Variants in MCPH1 observed in about 807,000 individuals in gnomAD.
MCPH1 encodes microcephalin.
A neutral mutation model predicts 84.5 loss-of-function variants in MCPH1; 104 were observed. The observed-to-expected ratio is 1.23, with a 90% CI of 1.05 to 1.45. MCPH1 has a LOEUF of 1.45. Among genes scored for constraint, MCPH1 ranks in the 40% most tolerant of loss-of-function variants. The probability of loss-of-function intolerance (pLI) is 0.00; values close to 1 mark genes in which losing one functional copy is unlikely to be tolerated. For synonymous variants in MCPH1, 514 were observed against 366.8 expected, an observed-to-expected ratio of 1.40 and a Z score of -4.58; for missense variants, 1,498 against 1,005.7, an observed-to-expected ratio of 1.49 and a Z score of -6.62.
chr8:6,532,219 C>T (rs146508943), intron 12 of MCPH1: 86 of 1,211,528 alleles, frequency 7.1e-5, no homozygotes, highest in South Asian at 4.0e-4. Flanking sequence ...TCCTTTTCTC[C>T]TGTGGTGGTG....
At chr8:6,562,139 T>A (rs1240952849) in intron 12 of MCPH1, among the ~76,000 whole-genome samples, 1 of 152,220 alleles carries the variant, frequency 6.6e-6, no homozygotes, top group African/African-American at 2.4e-5. Context: ...AGTCACAACC[T>A]ATTTTAGTAA....
At chr8:6,481,832 GA>G (rs1809282117) in intron 11 of MCPH1, among the ~76,000 whole-genome samples, 1 of 152,178 alleles carries the variant, frequency 6.6e-6, no homozygotes, top group South Asian at 2.1e-4. Flanking sequence ...TGTTTATTTG[GA>G]TGAAAGACAG....
chr8:6,413,890 G>A (rs941909181), intron 2 of MCPH1, among the ~76,000 whole-genome samples: 1 of 152,008 alleles, frequency 6.6e-6, no homozygotes, highest in East Asian at 1.9e-4. Flanking sequence ...GAGTTGCTGA[G>A]ACTACAGGCA....
At chr8:6,524,914 A>C (rs570344195) in intron 12 of MCPH1, among the ~76,000 whole-genome samples, 4 of 152,292 alleles carry the variant, frequency 2.6e-5, no homozygotes, top group African/African-American at 9.6e-5. Flanking sequence ...TGGGAATCCC[A>C]CCTCTGCACA....
At chr8:6,431,444 G>C in intron 3 of MCPH1, 55 bp from the exon 4 acceptor site, 1 of 1,318,050 alleles carries the variant, frequency 7.6e-7, no homozygotes, top group Non-Finnish European at 1.1e-6. Context: ...TTAGTGCTGT[G>C]TCAATGTATA....
At chr8:6,607,956 A>G (rs893952155) in intron 12 of MCPH1, among the ~76,000 whole-genome samples, 1 of 152,208 alleles carries the variant, frequency 6.6e-6, no homozygotes, top group Non-Finnish European at 1.5e-5. Context: ...ATTCACGCCC[A>G]AGAAGTGGGT....
At position 6,477,016 on chromosome 8, in the gene MCPH1, G is replaced by C. The variant is rs148347157; in HGVS notation, c.1936-578G>C. On this transcript the variant is annotated intron_variant, in intron 9 of 13. Transcript: ENST00000344683. ...TAGCATTTAAATTTTTTGCAAGTCA[G>C]CGTGCATTTCTTAGATAAGCAAAAA... Among the ~76,000 whole-genome samples, 59 of 151,792 alleles carry C rather than the reference G, an allele frequency of 3.9e-4. 1 individual carries two copies. Among genetic ancestry groups the C allele is most frequent in the African/African-American group, 1.3e-3 (54 of 41,384 alleles).
chr8:6,464,592 C>A (rs1447564325), intron 9 of MCPH1, among the ~76,000 whole-genome samples: 1 of 152,160 alleles, frequency 6.6e-6, no homozygotes, highest in Non-Finnish European at 1.5e-5. Context: ...ATCTCCTGTG[C>A]CTCAGTGGTC....
chr8:6,565,084 G>C (rs1413442585), intron 12 of MCPH1, among the ~76,000 whole-genome samples: 6 of 152,168 alleles, frequency 3.9e-5, no homozygotes, highest in African/African-American at 1.4e-4. Context: ...AAGCATATAG[G>C]TCTTAAAGAT....
At chr8:6,519,938 C>G in intron 12 of MCPH1, 1 of 1,614,142 alleles carries the variant, frequency 6.2e-7, no homozygotes, top group Non-Finnish European at 8.5e-7. Context: ...TTGAATACTT[C>G]AGCACAGTCT....
intron 9 of MCPH1, among the ~76,000 whole-genome samples, chr8:6,475,738 G>A (rs1432612728): frequency 6.6e-6 from 1 of 152,182 alleles, no homozygotes; most frequent in Non-Finnish European, 1.5e-5. Context: ...CATTGTCCAA[G>A]CAGGTTTCCT....
At chr8:6,424,472 C>G (rs758873727) in intron 3 of MCPH1, among the ~76,000 whole-genome samples, 2 of 152,164 alleles carry the variant, frequency 1.3e-5, no homozygotes, top group East Asian at 3.9e-4. Flanking sequence ...TCCCGGAATC[C>G]TCAGACTCCA....
chr8:6,507,213 A>G (rs761509729), intron 12 of MCPH1, among the ~76,000 whole-genome samples: 106 of 152,220 alleles, frequency 7.0e-4, no homozygotes, highest in Admixed American at 6.4e-3. Context: ...AATGATTCCT[A>G]TAGTGTAAAT....
At chr8:6,466,865 C>T (rs766640753) in intron 9 of MCPH1, among the ~76,000 whole-genome samples, 14 of 152,210 alleles carry the variant, frequency 9.2e-5, no homozygotes, top group Non-Finnish European at 1.6e-4. Context: ...GTTGAGCCAA[C>T]GCGCCCTGCC....
At chr8:6,427,257 G>A (rs1312988846) in intron 3 of MCPH1, among the ~76,000 whole-genome samples, 1 of 152,218 alleles carries the variant, frequency 6.6e-6, no homozygotes, top group Non-Finnish European at 1.5e-5. Flanking sequence ...TGAGTGAGTG[G>A]TGAGCGAATG....
intron 12 of MCPH1, chr8:6,521,303 G>A (rs1342611009): frequency 1.2e-6 from 2 of 1,613,782 alleles, no homozygotes; most frequent in African/African-American, 1.3e-5. Context: ...TTCAATGATG[G>A]AATTTTGCTT....
chr8:6,521,034 T>C, intron 12 of MCPH1: 3 of 628,506 alleles, frequency 4.8e-6, no homozygotes, highest in Non-Finnish European at 8.1e-6. Context: ...CCTTCTCTTC[T>C]TCCTTCATTT....
chr8:6,515,814 G>A (rs1318246416), intron 12 of MCPH1, among the ~76,000 whole-genome samples: 1 of 152,180 alleles, frequency 6.6e-6, no homozygotes, highest in South Asian at 2.1e-4. Flanking sequence ...AGGCGATTTG[G>A]CAGGGTAAGC....
intron 3 of MCPH1, among the ~76,000 whole-genome samples, chr8:6,423,794 T>G (rs1800631454): frequency 6.6e-6 from 1 of 152,228 alleles, no homozygotes; most frequent in Admixed American, 6.5e-5. Flanking sequence ...GTGTACTGGT[T>G]TCCATTCTCA....
Sources: allele counts gnomAD v4.1 joint callset (sites outside exome capture counted in the v4.1 genomes callset), GRCh38; gene constraint gnomAD v4.1.1; transcripts MANE v1.5; gene names NCBI Gene and HGNC (gene_info 2026-07-23, HGNC 2026-07-21).